Variants in ZNF185 observed in about 807,000 individuals in gnomAD.
The protein encoded by ZNF185 is zinc finger protein 185 with LIM domain.
A neutral mutation model predicts 58.6 loss-of-function variants in ZNF185; 56 were observed. That is an observed-to-expected ratio of 0.95 (90% CI 0.77 to 1.19). The LOEUF (loss-of-function observed/expected upper bound fraction) is 1.19. Ranked by LOEUF, ZNF185 falls within the 50% of genes most tolerant of loss-of-function variation. The probability of loss-of-function intolerance (pLI) is 0.00; values close to 1 mark genes in which losing one functional copy is unlikely to be tolerated. For missense variants in ZNF185, 627 were observed against 573.5 expected (o/e 1.09, Z -0.95); for synonymous variants, 230 against 215.9 (o/e 1.07, Z -0.57).
At position 152,935,242 on chromosome X, in the gene ZNF185, T is replaced by A. The variant is rs1367435857; in HGVS notation, c.1121+2271T>A. Among the ~76,000 whole-genome samples the A allele has an allele frequency of 3.7e-5, 4 of 106,739 alleles. No homozygotes were observed. In the Admixed American group the frequency reaches 3.9e-4, roughly 11 times the overall value. 92.7% of individuals were successfully genotyped at this position (106,739 alleles called of 115,157 possible). ...CAAACTCCTTTATTGTTTTTCCTTTTTTTTTTTTTTTGAGACGGACTCTTG... is the reference window on the plus strand; with the variant it reads ...CAAACTCCTTTATTGTTTTTCCTTTATTTTTTTTTTTGAGACGGACTCTTG... On this transcript the variant is annotated intron_variant, in intron 14 of 22. Transcript: ENST00000449285.
chrX:152,963,817 C>T (rs1322455376), intron 17 of ZNF185, 22 bp from the exon 20 acceptor site: 13 of 1,194,379 alleles, frequency 1.1e-5, no homozygotes, highest in African/African-American at 3.5e-5. Context: ...GACGTGCCCA[C>T]CCCTCCCTTT....
chrX:152,946,721 G>A (rs1314671901), intron 16 of ZNF185, among the ~76,000 whole-genome samples: 3 of 112,179 alleles, frequency 2.7e-5, no homozygotes, highest in Non-Finnish European at 5.6e-5. Flanking sequence ...AGATGTGCCA[G>A]ACGTGCTTGG....
intron 15 of ZNF185, chrX:152,941,668 C>T (rs1200960998): frequency 8.6e-7 from 1 of 1,160,513 alleles, no homozygotes; most frequent in African/African-American, 1.8e-5. Flanking sequence ...CGAACTCGGT[C>T]GCAGTGCCCG....
intron 12 of ZNF185, among the ~76,000 whole-genome samples, chrX:152,931,101 C>T (rs1200093561): frequency 1.8e-5 from 2 of 111,706 alleles, no homozygotes; most frequent in Non-Finnish European, 3.8e-5. Flanking sequence ...TATAAAGTCA[C>T]GAGAACAGGC....
At chrX:152,903,126 C>T in the ZNF185 span, among the ~76,000 whole-genome samples, 3 of 110,308 alleles carry the variant, frequency 2.7e-5, no homozygotes, top group East Asian at 2.8e-4. Context: ...CGGTGGCTCA[C>T]GCCTGTAATC....
intron 17 of ZNF185, among the ~76,000 whole-genome samples, chrX:152,960,957 C>T (rs1413019726): frequency 8.9e-6 from 1 of 112,439 alleles, no homozygotes; most frequent in African/African-American, 3.2e-5. Context: ...TCACTGGGAA[C>T]CCACCTATTG....
At chrX:152,960,444 C>A (rs1280722551) in intron 17 of ZNF185, among the ~76,000 whole-genome samples, 1 of 111,925 alleles carries the variant, frequency 8.9e-6, no homozygotes, top group Admixed American at 9.5e-5. Flanking sequence ...CTGAGAGAGA[C>A]CAAGAACCAA....
intron 14 of ZNF185, 142 bp from the exon 17 acceptor site, chrX:152,937,932 C>A (rs1457115654): frequency 2.1e-5 from 11 of 530,962 alleles, no homozygotes; most frequent in Non-Finnish European, 3.4e-5. Flanking sequence ...CGGTGCCACA[C>A]TAATGCCAGG....
At chrX:152,908,616 A>T in the ZNF185 span, among the ~76,000 whole-genome samples, 1 of 112,486 alleles carries the variant, frequency 8.9e-6, no homozygotes, top group African/African-American at 3.2e-5. Flanking sequence ...GGTGAGTCTG[A>T]AGTGTCTCCT....
At chrX:152,907,139 G>A in the ZNF185 span, among the ~76,000 whole-genome samples, 1 of 110,627 alleles carries the variant, frequency 9.0e-6, no homozygotes, top group Non-Finnish European at 1.9e-5. Context: ...TGTGGTGTGA[G>A]AGGGAGTCTT....
At chrX:152,911,925 GTCCATCCCATCCCA>G (rs1376648316), upstream of ZNF185, among the ~76,000 whole-genome samples, 32 of 61,532 alleles carry the variant, frequency 5.2e-4, 1 homozygote, top group East Asian at 0.014. Context: ...CATCTGATCC[GTCCATCCCATCCCA>G]TCCATCCCAT....
At chrX:152,968,530 A>C (rs888754093) in intron 20 of ZNF185, among the ~76,000 whole-genome samples, 8 of 112,797 alleles carry the variant, frequency 7.1e-5, no homozygotes, top group African/African-American at 2.6e-4. Flanking sequence ...CAGGAGGAGC[A>C]GGGCTGCGCT....
chrX:152,959,627 A>G, intron 16 of ZNF185, 72 bp from the exon 19 acceptor site: 1 of 1,092,237 alleles, frequency 9.2e-7, no homozygotes, highest in Non-Finnish European at 1.2e-6. Context: ...CATGACAGCC[A>G]GCCTACCTGC....
intron 15 of ZNF185, 22 bp downstream of exon 17, chrX:152,938,185 C>T (rs2046579753): frequency 7.8e-6 from 9 of 1,159,665 alleles, no homozygotes; most frequent in Admixed American, 2.5e-5. Flanking sequence ...GCAGACAGTG[C>T]TGAACTTCTG....
intron 13 of ZNF185, among the ~76,000 whole-genome samples, chrX:152,932,137 C>T (rs1942098717): frequency 1.8e-5 from 2 of 112,186 alleles, no homozygotes; most frequent in African/African-American, 6.5e-5. Flanking sequence ...TACTGCAGGA[C>T]AAAGCAGCCC....
chrX:152,918,191 C>G, intron 6 of ZNF185, 37 bp downstream of exon 7: 1 of 1,163,535 alleles, frequency 8.6e-7, no homozygotes. Flanking sequence ...TGGTTCCCTC[C>G]TCCAAGGAAC....
chrX:152,931,201 A>T (rs1426541940), intron 12 of ZNF185, among the ~76,000 whole-genome samples: 2 of 112,360 alleles, frequency 1.8e-5, no homozygotes, highest in Non-Finnish European at 3.8e-5. Context: ...CAACAACAAA[A>T]AACAAAAAAC....
chrX:152,946,464 C>T (rs1198413743), intron 16 of ZNF185, among the ~76,000 whole-genome samples: 7 of 112,212 alleles, frequency 6.2e-5, no homozygotes, highest in Non-Finnish European at 1.3e-4. Flanking sequence ...TTCCTTGGCT[C>T]CAGGCCCTGG....
intron 17 of ZNF185, 129 bp from the exon 20 acceptor site, chrX:152,963,709 GT>G: frequency 1.9e-6 from 1 of 517,720 alleles, no homozygotes; most frequent in South Asian, 3.6e-5. Flanking sequence ...AAAGTGAGAA[GT>G]TCCATTTGTT....
Sources: gnomAD v4.1 joint callset for allele counts (sites outside exome capture counted in the v4.1 genomes callset) on GRCh38, gnomAD v4.1.1 for gene constraint, MANE v1.5 for transcripts, NCBI Gene and HGNC (gene_info 2026-07-23, HGNC 2026-07-21) for gene names.